ZNF550: variants seen among roughly 807,000 people sequenced by gnomAD.
The protein encoded by ZNF550 is zinc finger protein 550.
Under a neutral mutation model 40.2 loss-of-function variants are expected in ZNF550, and 42 were observed. The ratio of observed to expected loss-of-function variants is 1.05; its 90% CI spans 0.82 to 1.35. The LOEUF (loss-of-function observed/expected upper bound fraction) is 1.35. Among genes scored for constraint, ZNF550 ranks in the 40% most tolerant of loss-of-function variants. The pLI is 0.00. For synonymous variants in ZNF550, 223 were observed against 198.6 expected (o/e 1.12, Z -1.03); for missense variants, 549 against 525.2 (o/e 1.05, Z -0.44).
chr19:57,548,141 A>C, intron 3 of ZNF550, 148 bp from the exon 4 acceptor site: 1 of 755,624 alleles, frequency 1.3e-6, no homozygotes, highest in Non-Finnish European at 2.1e-6. Flanking sequence ...GTTACCAAAT[A>C]CTGCTTACGG....
exon 4 of ZNF550, chr19:57,547,114 C>T: frequency 6.2e-7 from 1 of 1,613,842 alleles, no homozygotes; most frequent in Non-Finnish European, 8.5e-7. Flanking sequence ...AAAGGCTTTC[C>T]CACACTGGGT....
In ZNF550 at chr19:57,559,658, G is replaced by A. The variant is rs2090153294; in HGVS notation, c.25C>T (p.Gln9Ter). ...GGGAGCCGAGCCAGTCTGCTCACCT[G>A]CGCTGCGTCCTTCGTCTCCGCCATC... Residue 9 changes from glutamine (Q) to a stop codon, truncating the protein, a stop_gained and splice_region_variant, in exon 1 of 5, where the codon CAG (glutamine) becomes TAG (stop). Transcript: ENST00000457177. LOFTEE classifies it high-confidence loss of function. 1.3e-6 allele frequency: 2 copies of A among 1,507,884 alleles called. No homozygotes were observed. The highest frequency in any genetic ancestry group is 2.8e-5 in the African/African-American group (2 of 72,520). 93.4% of individuals were successfully genotyped at this position (1,507,884 alleles called of 1,614,324 possible).
chr19:57,556,474 C>G, intron 1 of ZNF550, 117 bp from the exon 2 acceptor site: 2 of 1,375,912 alleles, frequency 1.5e-6, no homozygotes, highest in South Asian at 2.8e-5. Flanking sequence ...AACTAGGTCT[C>G]CTTTGGGCTG....
At chr19:57,549,349 G>A (rs923783255) in intron 3 of ZNF550, among the ~76,000 whole-genome samples, 5 of 152,160 alleles carry the variant, frequency 3.3e-5, no homozygotes, top group African/African-American at 1.2e-4. Flanking sequence ...GGAGGCTGAG[G>A]CAGGAGAATC....
chr19:57,557,879 T>A lies in ZNF550; in HGVS notation c.28-1522A>T, dbSNP rs137934258. Reference sequence around the variant, plus strand: ...ATTTCCGAATCAACACAATAACTATTCCCATCTCAGCAGGCAGCTCTAAGA... The same window carrying A: ...ATTTCCGAATCAACACAATAACTATACCCATCTCAGCAGGCAGCTCTAAGA... On this transcript the variant is annotated intron_variant, in intron 1 of 4. Transcript: ENST00000457177. 2.9e-3 allele frequency among the ~76,000 whole-genome samples: 439 copies of A among 152,318 alleles called. 2 individuals carry two copies. The highest frequency in any genetic ancestry group is 9.3e-3 in the African/African-American group (385 of 41,566).
exon 4 of ZNF550, chr19:57,547,011 C>A: frequency 1.2e-6 from 2 of 1,613,236 alleles, no homozygotes; most frequent in Non-Finnish European, 1.7e-6. Flanking sequence ...GAAGGTGTGA[C>A]CTGCGTTTGA....
At chr19:57,546,840 T>C in exon 4 of ZNF550, 3 of 1,419,800 alleles carry the variant, frequency 2.1e-6, no homozygotes, top group South Asian at 1.7e-5. Context: ...AAGAAAGAGC[T>C]GACAAAAAAA....
rs1017656477 is a variant in ZNF550 at position 57,544,782 on chromosome 19, A to T, written c.*519-1539T>A. ...ACACGTTTTAACCTAACATTATCTC[A>T]TGTAGCTTGAAAACTAAAAGAAAAT... On this transcript the variant is annotated intron_variant, in intron 4 of 4. Coordinates refer to ENST00000457177, the Ensembl canonical transcript of ZNF550. 7.2e-5 allele frequency among the ~76,000 whole-genome samples: 11 copies of T among 152,172 alleles called. No individual in the cohort carries two copies. The East Asian group carries it at 2.1e-3, about 29-fold the overall frequency.
At chr19:57,559,513 G>A (rs754583887) in intron 1 of ZNF550, 143 bp downstream of exon 1, 205 of 780,968 alleles carry the variant, frequency 2.6e-4, no homozygotes, top group Non-Finnish European at 3.4e-4. Flanking sequence ...TTCCGGACCC[G>A]GGACCGCGCG....
chr19:57,559,957 G>C, upstream of ZNF550: 1 of 390,972 alleles, frequency 2.6e-6, no homozygotes, highest in Non-Finnish European at 4.5e-6. Context: ...GCCAGGCTTG[G>C]CTCTTTTTCC....
intron 1 of ZNF550, among the ~76,000 whole-genome samples, chr19:57,559,107 G>A (rs560584890): frequency 6.6e-6 from 1 of 152,248 alleles, no homozygotes; most frequent in East Asian, 1.9e-4. Context: ...AAGGAGGCCA[G>A]AGGGTCAGAC....
intron 4 of ZNF550, chr19:57,544,107 C>T (rs2089986903): frequency 1.0e-6 from 1 of 985,290 alleles, no homozygotes; most frequent in Admixed American, 6.1e-5. Flanking sequence ...CTATATTAGA[C>T]AGTAAGTTCC....
At chr19:57,559,913 G>T (rs1340736700), upstream of ZNF550, 3 of 427,636 alleles carry the variant, frequency 7.0e-6, no homozygotes, top group Non-Finnish European at 1.3e-5. Flanking sequence ...CCGGCCCACT[G>T]CCTTCTAGGT....
exon 4 of ZNF550, chr19:57,546,504 G>T (rs572982111): frequency 5.1e-5 from 50 of 989,160 alleles, no homozygotes; most frequent in Non-Finnish European, 5.9e-5. Context: ...CCCAAGGTGG[G>T]TCAAATTCCA....
chr19:57,559,439 T>C (rs887516648), intron 1 of ZNF550, among the ~76,000 whole-genome samples: 1 of 152,092 alleles, frequency 6.6e-6, no homozygotes, highest in Non-Finnish European at 1.5e-5. Flanking sequence ...AAAAGCCCTA[T>C]TTCATACCAC....
At chr19:57,544,403 C>T (rs546894329) in intron 4 of ZNF550, 1 of 985,420 alleles carries the variant, frequency 1.0e-6, no homozygotes, top group South Asian at 4.7e-5. Context: ...GGAAAGAACC[C>T]TTTGATGACA....
intron 4 of ZNF550, chr19:57,544,446 C>G: frequency 1.0e-6 from 1 of 985,446 alleles, no homozygotes; most frequent in Admixed American, 6.1e-5. Context: ...TTCTCCAACT[C>G]TCTTGAACCC....
chr19:57,559,821 A>G (rs1434752222), exon 1 of ZNF550: 3 of 689,212 alleles, frequency 4.4e-6, no homozygotes, highest in Non-Finnish European at 6.2e-6. Flanking sequence ...GCGGACCAAC[A>G]CGCCCCACCA....
At chr19:57,550,790 T>G (rs1380601488) in intron 3 of ZNF550, among the ~76,000 whole-genome samples, 9 of 152,242 alleles carry the variant, frequency 5.9e-5, no homozygotes, top group Admixed American at 5.2e-4. Context: ...ACATAAGATT[T>G]TTTTTAGTTT....
Sources: allele counts gnomAD v4.1 joint callset (sites outside exome capture counted in the v4.1 genomes callset), GRCh38; gene constraint gnomAD v4.1.1; transcripts MANE v1.5; gene names NCBI Gene and HGNC (gene_info 2026-07-23, HGNC 2026-07-21).